Variants in NBAS observed in about 807,000 individuals in gnomAD.
NBAS encodes NBAS subunit of NRZ tethering complex, also known as NAG/BC035112 fusion.
Under a neutral mutation model 302.5 loss-of-function variants are expected in NBAS, and 219 were observed. The observed-to-expected ratio is 0.72, with a 90% CI of 0.65 to 0.81. The LOEUF is 0.81. Ranked by LOEUF, NBAS falls within the 30% of genes least tolerant of loss-of-function variation. NBAS has a pLI of 0.00. For synonymous variants in NBAS, 1,118 were observed against 1,021.6 expected (o/e 1.09, Z -1.80); for missense variants, 2,932 against 2,841.6 (o/e 1.03, Z -0.72).
intron 28 of NBAS, among the ~76,000 whole-genome samples, chr2:15,386,897 T>G (rs1459425670): frequency 2.0e-5 from 3 of 152,130 alleles, no homozygotes; most frequent in Non-Finnish European, 4.4e-5. Flanking sequence ...TCATAGCCTT[T>G]ATAAATATTC....
At chr2:15,491,841 A>T (rs1680869537) in intron 11 of NBAS, among the ~76,000 whole-genome samples, 2 of 152,212 alleles carry the variant, frequency 1.3e-5, no homozygotes, top group Admixed American at 1.3e-4. Flanking sequence ...TTTACATTAA[A>T]TCTATCAGTA....
chr2:15,150,662 T>C, the NBAS span, among the ~76,000 whole-genome samples: 8 of 152,340 alleles, frequency 5.3e-5, no homozygotes, highest in African/African-American at 1.4e-4. Context: ...TCTGTGTTTC[T>C]TTTCTACTTA....
At chr2:15,409,521 C>T (rs1320363061) in intron 25 of NBAS, among the ~76,000 whole-genome samples, 2 of 152,160 alleles carry the variant, frequency 1.3e-5, no homozygotes, top group Non-Finnish European at 2.9e-5. Context: ...TTCAAGATTT[C>T]AATTCTTTAA....
chr2:14,908,316 T>C, the NBAS span, among the ~76,000 whole-genome samples: 1 of 152,146 alleles, frequency 6.6e-6, no homozygotes, highest in African/African-American at 2.4e-5. Context: ...TGAGCCGAGA[T>C]TGCACCACTG....
At chr2:15,417,163 T>C (rs1016393354) in intron 24 of NBAS, among the ~76,000 whole-genome samples, 2 of 152,314 alleles carry the variant, frequency 1.3e-5, no homozygotes, top group Non-Finnish European at 2.9e-5. Context: ...CCGGTCCTCT[T>C]AACCCTGATA....
chr2:14,822,818 A>G, the NBAS span, among the ~76,000 whole-genome samples: 1 of 152,238 alleles, frequency 6.6e-6, no homozygotes, highest in Non-Finnish European at 1.5e-5. Context: ...TAAAATCACT[A>G]AAACGAGGCT....
At chr2:15,406,253 T>A (rs1676410718) in intron 25 of NBAS, among the ~76,000 whole-genome samples, 1 of 152,076 alleles carries the variant, frequency 6.6e-6, no homozygotes, top group Non-Finnish European at 1.5e-5. Context: ...ATAGAAACTC[T>A]AGAATTAAAC....
chr2:15,468,319 T>A, intron 17 of NBAS, 63 bp downstream of exon 17: 1 of 1,578,116 alleles, frequency 6.3e-7, no homozygotes, highest in Non-Finnish European at 8.7e-7. Context: ...CAGTCCAATG[T>A]CTCAGTACAA....
chr2:15,022,404 A>G, the NBAS span, among the ~76,000 whole-genome samples: 1 of 152,180 alleles, frequency 6.6e-6, no homozygotes, highest in Non-Finnish European at 1.5e-5. Context: ...CAGCAATCTT[A>G]CTACCCAAAA....
chr2:15,498,308 C>T (rs1447082967), intron 11 of NBAS, among the ~76,000 whole-genome samples: 4 of 152,102 alleles, frequency 2.6e-5, no homozygotes, highest in Admixed American at 2.6e-4. Flanking sequence ...TTGGATAATA[C>T]TATACCTTTT....
At chr2:15,411,031 G>A (rs1209440397) in intron 25 of NBAS, among the ~76,000 whole-genome samples, 1 of 152,132 alleles carries the variant, frequency 6.6e-6, no homozygotes, top group Non-Finnish European at 1.5e-5. Context: ...CTAAGGCACT[G>A]GCCTGCTTCC....
intron 38 of NBAS, among the ~76,000 whole-genome samples, chr2:15,319,415 G>A (rs935559599): frequency 6.6e-6 from 1 of 151,780 alleles, no homozygotes; most frequent in Non-Finnish European, 1.5e-5. Flanking sequence ...AACTGAAGGA[G>A]ATAGAGACAC....
At chr2:14,912,617 A>G in the NBAS span, among the ~76,000 whole-genome samples, 1 of 150,080 alleles carries the variant, frequency 6.7e-6, no homozygotes, top group Non-Finnish European at 1.5e-5. Context: ...TCCTGTGCTT[A>G]GTCAGTTCAG....
At position 15,506,499 on chromosome 2, in the gene NBAS, G is replaced by A. The variant is rs190007787; in HGVS notation, c.886-2286C>T. Among the ~76,000 whole-genome samples the A allele has an allele frequency of 1.3e-4, 20 of 152,306 alleles. No individual in the cohort carries two copies. The East Asian group carries it at 3.7e-3, about 28-fold the overall frequency. ...AAGAGTAGCATTTTTTAAAAGTGTA[G>A]TGAAAGAGAAGGCGAACCAAGGATT... On this transcript the variant is annotated intron_variant, in intron 10 of 51. Transcript: ENST00000281513.
chr2:15,214,547 T>A (rs1558443561), intron 48 of NBAS, among the ~76,000 whole-genome samples: 1 of 152,226 alleles, frequency 6.6e-6, no homozygotes, highest in Non-Finnish European at 1.5e-5. Context: ...GTTCTAGGAA[T>A]CTGTGATTTC....
chr2:14,973,872 C>T, the NBAS span, among the ~76,000 whole-genome samples: 12,712 of 152,166 alleles, frequency 0.084, 1,404 homozygotes, highest in African/African-American at 0.24. Flanking sequence ...TCCTCAAACT[C>T]GTTCAAGTCC....
chr2:15,144,622 C>T, the NBAS span, among the ~76,000 whole-genome samples: 64,889 of 151,938 alleles, frequency 0.43, 15,095 homozygotes, highest in African/African-American at 0.61. Context: ...CACTTTTTAT[C>T]GAACACATCA....
At chr2:15,050,935 T>C in the NBAS span, among the ~76,000 whole-genome samples, 7 of 151,314 alleles carry the variant, frequency 4.6e-5, no homozygotes, top group Non-Finnish European at 1.0e-4. Flanking sequence ...GACTGGGGGG[T>C]GACTGCCCAG....
chr2:15,237,868 G>A (rs1023684400), intron 45 of NBAS, among the ~76,000 whole-genome samples: 3 of 148,782 alleles, frequency 2.0e-5, no homozygotes, highest in Non-Finnish European at 3.0e-5. Context: ...TCCGCCTCCC[G>A]GGTTCAAGCC....
Sources: allele counts gnomAD v4.1 joint callset (sites outside exome capture counted in the v4.1 genomes callset), GRCh38; gene constraint gnomAD v4.1.1; transcripts MANE v1.5; gene names NCBI Gene and HGNC (gene_info 2026-07-23, HGNC 2026-07-21).